Variants in CSMD1 observed in about 807,000 individuals in gnomAD.
CSMD1 encodes CUB and Sushi multiple domains 1.
A neutral mutation model predicts 417.5 loss-of-function variants in CSMD1; 213 were observed. The observed-to-expected ratio is 0.51, with a 90% CI of 0.46 to 0.57. The LOEUF (loss-of-function observed/expected upper bound fraction) is 0.57. CSMD1 is among the 20% of genes least tolerant of loss of function. The pLI is 0.00. For missense variants in CSMD1, 6,923 were observed against 4,529.7 expected, an observed-to-expected ratio of 1.53 and a Z score of -15.17; for synonymous variants, 2,862 against 1,736.8, an observed-to-expected ratio of 1.65 and a Z score of -16.11.
chr8:3,040,544 C>T (rs1207299921), intron 50 of CSMD1, among the ~76,000 whole-genome samples: 1 of 151,686 alleles, frequency 6.6e-6, no homozygotes, highest in Non-Finnish European at 1.5e-5. Context: ...GTGGCTCATG[C>T]CTGTAATCCC....
At chr8:4,185,376 GC>G (rs1798605195) in intron 3 of CSMD1, among the ~76,000 whole-genome samples, 1 of 151,988 alleles carries the variant, frequency 6.6e-6, no homozygotes, top group African/African-American at 2.4e-5. Flanking sequence ...ATTGGACAGG[GC>G]TTTTAAAGTA....
intron 1 of CSMD1, among the ~76,000 whole-genome samples, chr8:4,982,637 A>G (rs1810958994): frequency 6.6e-6 from 1 of 152,218 alleles, no homozygotes; most frequent in Non-Finnish European, 1.5e-5. Context: ...AGTCACTTCA[A>G]CTTGTCATAT....
intron 3 of CSMD1, among the ~76,000 whole-genome samples, chr8:4,079,808 T>G (rs1392200191): frequency 1.3e-5 from 2 of 152,028 alleles, no homozygotes; most frequent in Non-Finnish European, 2.9e-5. Context: ...TAGCAGGGAG[T>G]GACATCACGA....
chr8:4,245,225 C>G (rs1264656165), intron 3 of CSMD1, among the ~76,000 whole-genome samples: 4 of 152,170 alleles, frequency 2.6e-5, no homozygotes, highest in Non-Finnish European at 5.9e-5. Context: ...TTTCTGAACT[C>G]TAAATCGGAT....
intron 11 of CSMD1, among the ~76,000 whole-genome samples, chr8:3,492,615 C>T (rs1044853577): frequency 1.3e-5 from 2 of 152,140 alleles, no homozygotes; most frequent in African/African-American, 4.8e-5. Context: ...TTTCATAAAC[C>T]AGGTGTGATA....
At chr8:2,955,566 C>A in intron 64 of CSMD1, 23 bp downstream of exon 64, 5 of 1,610,310 alleles carry the variant, frequency 3.1e-6, no homozygotes, top group Non-Finnish European at 4.2e-6. Flanking sequence ...GAAAAGTATG[C>A]CACTCCTTGA....
chr8:3,152,340 T>A (rs1585491675), intron 39 of CSMD1, among the ~76,000 whole-genome samples: 1 of 152,368 alleles, frequency 6.6e-6, no homozygotes, highest in African/African-American at 2.4e-5. Context: ...TTGTAGCCTA[T>A]TAAAATAATT....
chr8:3,858,488 A>T (rs1804465613), intron 5 of CSMD1, among the ~76,000 whole-genome samples: 1 of 152,114 alleles, frequency 6.6e-6, no homozygotes, highest in Non-Finnish European at 1.5e-5. Flanking sequence ...AATAATTCCA[A>T]CCATTTGTAG....
chr8:3,691,383 C>CA (rs974291982), intron 7 of CSMD1, among the ~76,000 whole-genome samples: 5 of 150,352 alleles, frequency 3.3e-5, no homozygotes, highest in African/African-American at 9.9e-5. Context: ...AAAAACAAAA[C>CA]AAAAAAACAA....
chr8:4,202,241 C>G (rs1240030556), intron 3 of CSMD1, among the ~76,000 whole-genome samples: 1 of 152,066 alleles, frequency 6.6e-6, no homozygotes, highest in Non-Finnish European at 1.5e-5. Flanking sequence ...TATGCCTTAT[C>G]TTCACAATTC....
At chr8:3,614,939 G>T (rs1314376501) in intron 8 of CSMD1, among the ~76,000 whole-genome samples, 1 of 152,194 alleles carries the variant, frequency 6.6e-6, no homozygotes, top group Non-Finnish European at 1.5e-5. Flanking sequence ...ATTTTTCCTC[G>T]ACAAGAGGGA....
intron 5 of CSMD1, among the ~76,000 whole-genome samples, chr8:3,829,067 G>A (rs1585056667): frequency 6.6e-6 from 1 of 151,808 alleles, no homozygotes; most frequent in South Asian, 2.1e-4. Context: ...GGGTATAGGT[G>A]GTATTTGTTT....
chr8:4,448,964 G>A (rs1798974071), intron 2 of CSMD1, among the ~76,000 whole-genome samples: 2 of 152,020 alleles, frequency 1.3e-5, no homozygotes, highest in South Asian at 4.2e-4. Flanking sequence ...TTTCTCTTCT[G>A]GATCCTAAGG....
intron 3 of CSMD1, among the ~76,000 whole-genome samples, chr8:4,050,509 G>A (rs1468005134): frequency 6.6e-6 from 1 of 152,124 alleles, no homozygotes; most frequent in Non-Finnish European, 1.5e-5. Flanking sequence ...ATGGGGGTAT[G>A]TATCATCCTG....
At chr8:3,374,475 C>G (rs1810183734) in intron 18 of CSMD1, among the ~76,000 whole-genome samples, 1 of 152,068 alleles carries the variant, frequency 6.6e-6, no homozygotes, top group African/African-American at 2.4e-5. Context: ...TTTTAAAACT[C>G]CAGATAACGA....
At chr8:4,003,812 G>C (rs565808620) in intron 4 of CSMD1, among the ~76,000 whole-genome samples, 37 of 151,030 alleles carry the variant, frequency 2.4e-4, no homozygotes, top group African/African-American at 8.8e-4. Context: ...TATATTGTAC[G>C]TGTCTGATAT....
chr8:4,881,271 T>C (rs559077260), intron 1 of CSMD1, among the ~76,000 whole-genome samples: 35 of 152,276 alleles, frequency 2.3e-4, no homozygotes, highest in Admixed American at 9.8e-4. Flanking sequence ...TGTGACTTCA[T>C]TGCCAGACTG....
At chr8:4,824,045 C>G (rs1293783191) in intron 1 of CSMD1, among the ~76,000 whole-genome samples, 1 of 151,220 alleles carries the variant, frequency 6.6e-6, no homozygotes, top group East Asian at 2.0e-4. Context: ...CATGCACCCA[C>G]ACATGCACAC....
rs553954736 is a variant in CSMD1, at chr8:3,289,598, G to A, written c.3951-5252C>T. ...CCGGTGATGATGAGCATTTTTTCAT[G>A]TGTCTTTTGGCTGCATAAATGTCTT... On this transcript the variant is annotated intron_variant, in intron 25 of 69. Transcript: ENST00000635120. Among the ~76,000 whole-genome samples, 113 of 144,986 alleles carry A rather than the reference G, an allele frequency of 7.8e-4. 20 individuals carry two copies. The highest frequency in any genetic ancestry group is 3.2e-3 in the African/African-American group (111 of 34,926).
Sources: gnomAD v4.1 joint callset for allele counts (sites outside exome capture counted in the v4.1 genomes callset) on GRCh38, gnomAD v4.1.1 for gene constraint, MANE v1.5 for transcripts, NCBI Gene and HGNC (gene_info 2026-07-23, HGNC 2026-07-21) for gene names.